The following C5 variants were observed in gnomAD, a reference collection of about 807,000 sequenced individuals.
C5 encodes C3 and PZP-like alpha-2-macroglobulin domain-containing protein 4.
C5 carries 140 observed loss-of-function variants against 218.8 expected under a neutral mutation model. That is an observed-to-expected ratio of 0.64 (90% CI 0.56 to 0.74). The LOEUF is 0.74. Ranked by LOEUF, C5 falls within the 30% of genes least tolerant of loss-of-function variation. The pLI is 0.00. For missense variants in C5, 1,700 were observed against 1,969.6 expected, an observed-to-expected ratio of 0.86 and a Z score of 2.59; for synonymous variants, 614 against 682.3, an observed-to-expected ratio of 0.90 and a Z score of 1.56.
intron 25 of C5, among the ~76,000 whole-genome samples, 188 bp from the exon 26 acceptor site, chr9:120,983,002 T>G (rs1182979012): frequency 6.6e-6 from 1 of 152,226 alleles, no homozygotes; most frequent in Non-Finnish European, 1.5e-5. Flanking sequence ...TAAACAAATG[T>G]GAACAGCACA....
chr9:121,065,779 C>T, the C5 span, among the ~76,000 whole-genome samples: 3 of 152,050 alleles, frequency 2.0e-5, no homozygotes, highest in Non-Finnish European at 4.4e-5. Flanking sequence ...TGAGCCACTG[C>T]GCCCAGCCCA....
intron 23 of C5, among the ~76,000 whole-genome samples, chr9:120,990,697 C>T (rs1045759107): frequency 3.3e-5 from 5 of 152,316 alleles, no homozygotes; most frequent in African/African-American, 9.6e-5. Flanking sequence ...TGATCTTGGA[C>T]TTCCCAGCCT....
chr9:121,025,572 A>G lies in C5; in HGVS notation c.882T>C (p.Asn294=). Residue 294 remains asparagine, a synonymous_variant, in exon 9 of 41, where the codon AAT becomes AAC. Transcript: ENST00000223642. ...AATCAAATGTGACTTGAGCAATTCC[A>G]TTTATCAACTTTTTAAAAGGAGAAA... The part of the protein sequence containing the change: ...QTAMQNTMLI[N]GIAQVTFDSE... 2 of 1,612,398 alleles carry G rather than the reference A, an allele frequency of 1.2e-6. No homozygotes were observed. The highest frequency in any genetic ancestry group is 1.7e-6 in the Non-Finnish European group (2 of 1,179,510).
chr9:121,039,737 C>T (rs990595794), intron 3 of C5, among the ~76,000 whole-genome samples: 11 of 152,174 alleles, frequency 7.2e-5, no homozygotes, highest in African/African-American at 2.2e-4. Flanking sequence ...CAAACTCCAC[C>T]TCCTGGGTTC....
At chr9:121,068,631 C>A in the C5 span, among the ~76,000 whole-genome samples, 1 of 152,042 alleles carries the variant, frequency 6.6e-6, no homozygotes, top group African/African-American at 2.4e-5. Flanking sequence ...AAAAAAATCT[C>A]AAAATTTTTA....
At chr9:120,980,898 T>C (rs953138675) in intron 27 of C5, among the ~76,000 whole-genome samples, 3 of 152,106 alleles carry the variant, frequency 2.0e-5, no homozygotes, top group South Asian at 2.1e-4. Flanking sequence ...ACCCGGCCCA[T>C]AGACACAACT....
chr9:120,999,854 A>C (rs924725636), intron 20 of C5: 36 of 436,806 alleles, frequency 8.2e-5, no homozygotes, highest in East Asian at 7.3e-4. Flanking sequence ...AAATTTAAAG[A>C]TTAAATAAAA....
At chr9:121,014,588 A>G (rs1331609441) in intron 16 of C5, among the ~76,000 whole-genome samples, 1 of 152,148 alleles carries the variant, frequency 6.6e-6, no homozygotes, top group East Asian at 1.9e-4. Context: ...CTCTTTTCAT[A>G]TCATTAGAAC....
At chr9:121,057,258 A>G in the C5 span, among the ~76,000 whole-genome samples, 145 of 152,340 alleles carry the variant, frequency 9.5e-4, no homozygotes, top group African/African-American at 3.4e-3. Flanking sequence ...ATTAATGAGC[A>G]AGAAGAAATA....
chr9:121,009,437 C>T (rs1229610673), intron 17 of C5, among the ~76,000 whole-genome samples: 1 of 152,142 alleles, frequency 6.6e-6, no homozygotes, highest in Non-Finnish European at 1.5e-5. Flanking sequence ...AGACTTGTGG[C>T]AACACTGATG....
intron 10 of C5, among the ~76,000 whole-genome samples, chr9:121,022,814 T>A (rs887173849): frequency 7.3e-5 from 11 of 150,444 alleles, no homozygotes; most frequent in African/African-American, 2.7e-4. Flanking sequence ...GAAAAGAAGG[T>A]GAAAGAGAGA....
intron 24 of C5, 99 bp from the exon 25 acceptor site, chr9:120,989,220 G>T (rs1163104407): frequency 8.5e-6 from 8 of 944,092 alleles, no homozygotes; most frequent in African/African-American, 4.8e-5. Flanking sequence ...TTCCTTTGGT[G>T]TTGGGCAGCA....
At position 121,014,209 on chromosome 9, in the gene C5, A is replaced by G. The variant is rs544601455; in HGVS notation, c.2060-139T>C. 13 of 751,426 alleles carry G rather than the reference A, an allele frequency of 1.7e-5. No individual in the cohort carries two copies. In the South Asian group the frequency reaches 1.9e-4, roughly 11 times the overall value. 46.5% of individuals were successfully genotyped at this position (751,426 alleles called of 1,614,324 possible). ...AATAGTTATGGCTAGTTGACTGTCC[A>G]GACTCCCCTTGGAACTATTCTAAGA... On this transcript the variant is annotated intron_variant, in intron 16 of 40. Transcript: ENST00000223642.
In C5 at chr9:121,013,967, C is replaced by T. The variant is rs140827796; in HGVS notation, c.2163G>A (p.Gly721=). 4.3e-4 allele frequency: 702 copies of T among 1,614,024 alleles called. No homozygotes were observed. The highest frequency in any genetic ancestry group is 5.8e-4 in the Non-Finnish European group (687 of 1,180,020). The change falls in exon 17 of 41, where the codon GGG becomes GGA. Residue 721 remains glycine (G), a synonymous_variant. Transcript: ENST00000223642. ...CEQRAARISL[G]PRCIKAFTEC... is the part of the protein sequence containing the mutation. Reference sequence around the variant, plus strand: ...CAGTGAAAGCTTTGATGCATCTTGGCCCTAAACTAATCCGTGCAGCTCGCT... The same window carrying T: ...CAGTGAAAGCTTTGATGCATCTTGGTCCTAAACTAATCCGTGCAGCTCGCT...
At chr9:121,000,021 T>C in intron 20 of C5, 1 of 373,388 alleles carries the variant, frequency 2.7e-6, no homozygotes, top group South Asian at 2.0e-5. Context: ...ATCTTCCCAT[T>C]GCACTCCAGC....
At chr9:120,973,161 A>G (rs1378671369) in intron 30 of C5, among the ~76,000 whole-genome samples, 1 of 152,194 alleles carries the variant, frequency 6.6e-6, no homozygotes, top group Non-Finnish European at 1.5e-5. Context: ...TGGAGTAGAA[A>G]ATTCCACACT....
At chr9:120,973,864 G>A (rs938457713) in intron 30 of C5, among the ~76,000 whole-genome samples, 4 of 151,882 alleles carry the variant, frequency 2.6e-5, no homozygotes, top group South Asian at 2.1e-4. Context: ...CTATAATCCC[G>A]CCTGCTTTGG....
At chr9:120,997,396 A>C (rs2047125318) in intron 21 of C5, 151 bp downstream of exon 21, 1 of 637,010 alleles carries the variant, frequency 1.6e-6, no homozygotes, top group African/African-American at 1.8e-5. Flanking sequence ...AATTGCAAGA[A>C]TAGTACAAAA....
chr9:120,967,723 C>CT (rs909586360), intron 33 of C5, among the ~76,000 whole-genome samples: 99 of 145,276 alleles, frequency 6.8e-4, no homozygotes, highest in African/African-American at 1.8e-3. Context: ...TTTTCTTTTT[C>CT]TTTTTTTTTT....
Sources: allele counts gnomAD v4.1 joint callset (sites outside exome capture counted in the v4.1 genomes callset), GRCh38; gene constraint gnomAD v4.1.1; transcripts MANE v1.5; gene names NCBI Gene and HGNC (gene_info 2026-07-23, HGNC 2026-07-21).